The following KRT34 variants were observed in gnomAD, a reference collection of about 807,000 sequenced individuals.
The protein encoded by KRT34 is keratin 34, also known as keratin, type I cuticular Ha4.
KRT34 carries 31 observed loss-of-function variants against 41.7 expected under a neutral mutation model. The observed-to-expected ratio is 0.74, with a 90% CI of 0.56 to 1.00. The LOEUF (loss-of-function observed/expected upper bound fraction) is 1.00, where lower values mean the gene tolerates loss of function less well. Among genes scored for constraint, KRT34 ranks in the 50% least tolerant of loss-of-function variants. KRT34 has a pLI of 0.00. For synonymous variants in KRT34, 224 were observed against 212.9 expected (o/e 1.05, Z -0.45); for missense variants, 523 against 500.3 (o/e 1.05, Z -0.43).
Position 41,378,100 on chromosome 17 carries a change from A to G in KRT34, c.1144T>C (p.Cys382Arg). The G allele has an allele frequency of 6.2e-7, 1 of 1,614,092 alleles. No individual in the cohort carries two copies. Among genetic ancestry groups the G allele is most frequent in the Non-Finnish European group, 8.5e-7 (1 of 1,179,982 alleles). The part of the protein sequence containing the change: ...CATTNASGNS[C>R]GPCGTSQKGC... The stretch of plus-strand genomic sequence containing the variant: ...TTTTGAGAGGTGCCACAGGGTCCAC[A>G]GGAGTTGCCACTAGCATTGGTGGTG... The change falls in exon 7 of 7, where the codon TGT becomes CGT. Residue 382 changes from cysteine (C) to arginine (R), a missense_variant. Physicochemically the swap from Cys to Arg is radical, Grantham distance 180 (BLOSUM62 -3). Transcript: ENST00000394001.
chr17:41,380,972 C>G, intron 3 of KRT34, 84 bp downstream of exon 3: 1 of 1,354,864 alleles, frequency 7.4e-7, no homozygotes, highest in Non-Finnish European at 1.1e-6. Flanking sequence ...GGTCCCAGAC[C>G]AGGGATCCAG....
intron 6 of KRT34, 56 bp downstream of exon 6, chr17:41,378,900 G>A (rs1381506295): frequency 1.6e-5 from 25 of 1,603,700 alleles, no homozygotes; most frequent in Non-Finnish European, 2.0e-5. Context: ...CCATTTGTGT[G>A]CCTACAATAT....
chr17:41,382,519 A>T (rs1249375232), upstream of KRT34: 1 of 694,304 alleles, frequency 1.4e-6, no homozygotes, highest in Non-Finnish European at 2.4e-6. Flanking sequence ...TGGTGAAATC[A>T]GAGTTTCATC....
At position 41,378,003 on chromosome 17, in the gene KRT34, T is replaced by C; in HGVS notation, c.*56A>G. On this transcript the variant is annotated 3_prime_UTR_variant, in exon 7 of 7. Transcript: ENST00000394001. ...CAGAAAAGTCAGGACTTGAGGATCC[T>C]TCCTGTGGTTGATCTAAATGGCTTT... The C allele has an allele frequency of 7.6e-7, 1 of 1,322,100 alleles. No individual in the cohort carries two copies. Among genetic ancestry groups the C allele is most frequent in the Non-Finnish European group, 1.1e-6 (1 of 917,664 alleles). 81.9% of individuals were successfully genotyped at this position (1,322,100 alleles called of 1,614,324 possible). A position where few individuals can be genotyped will look rare whatever the true frequency, so the allele number is the denominator to read the frequency against.
rs2017880598 is a variant in KRT34, at chr17:41,378,145, G to A, written c.1099C>T (p.Leu367Phe). The change falls in exon 7 of 7, where the codon CTC becomes TTC. Residue 367 changes from leucine (L) to phenylalanine (F), a missense_variant and splice_region_variant. By Grantham distance (22) the Leu-to-Phe change is conservative. Coordinates refer to ENST00000394001, the MANE Select transcript of KRT34 (RefSeq NM_001386014.1). ...RSLLESEDCKLPCNPCATTNA... is the reference protein window; with the variant it reads ...RSLLESEDCKFPCNPCATTNA... Reference sequence around the variant, plus strand: ...GTGGTGGCGCATGGGTTGCAGGGGAGCCTAGGAGGACAAGGAGGTTTAGAA... The same window carrying A: ...GTGGTGGCGCATGGGTTGCAGGGGAACCTAGGAGGACAAGGAGGTTTAGAA... The A allele has an allele frequency of 5.6e-6, 9 of 1,611,940 alleles. No homozygotes were observed. Among genetic ancestry groups the A allele is most frequent in the Admixed American group, 1.7e-5 (1 of 59,984 alleles).
chr17:41,379,979 G>C (rs891180208), intron 3 of KRT34, among the ~76,000 whole-genome samples: 1 of 151,986 alleles, frequency 6.6e-6, no homozygotes, highest in Admixed American at 6.6e-5. Flanking sequence ...CACTAAAAGG[G>C]GCCGGGCACA....
Position 41,379,154 on chromosome 17 carries a change from A to C in KRT34, c.899T>G (p.Leu300Arg), listed in dbSNP as rs745495061. ...HNLRDSLENT[L>R]TESEAHYSSQ... Reference sequence around the variant, plus strand: ...GCTGTAGTGGGCCTCGCTCTCCGTCAGCGTGTTTTCCAGAGAGTCTCGCTG... The same window carrying C: ...GCTGTAGTGGGCCTCGCTCTCCGTCCGCGTGTTTTCCAGAGAGTCTCGCTG... Residue 300 changes from leucine to arginine, a missense_variant, in exon 6 of 7, where the codon CTG (leucine) becomes CGG (arginine). Coordinates refer to ENST00000394001, the MANE Select transcript of KRT34 (RefSeq NM_001386014.1). 3.1e-6 allele frequency: 5 copies of C among 1,614,096 alleles called. No homozygotes were observed. In the East Asian group the frequency reaches 6.7e-5, roughly 22 times the overall value.
Position 41,378,016 on chromosome 17 carries a change from T to C in KRT34, c.*43A>G. The C allele has an allele frequency of 6.9e-7, 1 of 1,446,218 alleles. No homozygotes were observed. Among genetic ancestry groups the C allele is most frequent in the Non-Finnish European group, 9.7e-7 (1 of 1,028,934 alleles). The allele number at this position is 1,446,218 out of a possible 1,614,324, so 89.6% of individuals were successfully genotyped here. ...ACTTGAGGATCCTTCCTGTGGTTGATCTAAATGGCTTTGTAGATGTCTTCA... is the reference window on the plus strand; with the variant it reads ...ACTTGAGGATCCTTCCTGTGGTTGACCTAAATGGCTTTGTAGATGTCTTCA... On this transcript the variant is annotated 3_prime_UTR_variant, in exon 7 of 7. Coordinates refer to ENST00000394001, the MANE Select transcript of KRT34 (RefSeq NM_001386014.1).
At chr17:41,383,179 C>G (rs989961792), upstream of KRT34, among the ~76,000 whole-genome samples, 7 of 152,066 alleles carry the variant, frequency 4.6e-5, no homozygotes, top group South Asian at 4.1e-4. Flanking sequence ...CCACCACACC[C>G]GGCTAATTTT....
rs2017931529 is a variant in KRT34 at position 41,379,576 on chromosome 17, G to A, written c.744C>T (p.Ala248=). The A allele has an allele frequency of 1.2e-6, 2 of 1,613,932 alleles. No individual in the cohort carries two copies. Among genetic ancestry groups the A allele is most frequent in the Admixed American group, 1.7e-5 (1 of 60,020 alleles). The part of the protein sequence containing the change: ...INRREVEQWF[A]TQTEELNKQV... Reference sequence around the variant, plus strand: ...CATGTGCTTAGATGCCCACCTGCGTGGCGAACCATTGCTCCACTTCCCTGC... The same window carrying A: ...CATGTGCTTAGATGCCCACCTGCGTAGCGAACCATTGCTCCACTTCCCTGC... Residue 248 remains alanine, a synonymous_variant, in exon 4 of 7, where the codon GCC becomes GCT. Transcript: ENST00000394001.
In KRT34 at chr17:41,382,289, G is replaced by A; in HGVS notation, c.-43C>T. On this transcript the variant is annotated 5_prime_UTR_variant, in exon 1 of 7. Coordinates refer to ENST00000394001, the MANE Select transcript of KRT34 (RefSeq NM_001386014.1). ...TGGAAAAGCAGGTAAGCTGCTGGAG[G>A]TGGATGTGGGCAGGTTTGAGTCTCT... The A allele has an allele frequency of 1.9e-6, 3 of 1,613,292 alleles. No individual in the cohort carries two copies. Among genetic ancestry groups the A allele is most frequent in the African/African-American group, 1.3e-5 (1 of 75,048 alleles).
rs755052687 is a variant in KRT34, at chr17:41,379,592, A to T, written c.728T>A (p.Val243Glu). 2.5e-6 allele frequency: 4 copies of T among 1,614,008 alleles called. No individual in the cohort carries two copies. In the Admixed American group the frequency reaches 5.0e-5, roughly 20 times the overall value. ...EALVEINRRE[V>E]EQWFATQTEE... ...CACCTGCGTGGCGAACCATTGCTCC[A>T]CTTCCCTGCGGTTAATTTCCACCAG... Residue 243 changes from valine to glutamate, a missense_variant, in exon 4 of 7, where the codon GTG becomes GAG. Val to Glu is a moderately radical substitution (Grantham distance 121). Transcript: ENST00000394001.
chr17:41,378,206 T>C (rs1034323493), intron 6 of KRT34, 60 bp from the exon 7 acceptor site: 4 of 1,062,714 alleles, frequency 3.8e-6, no homozygotes, highest in Non-Finnish European at 5.9e-6. Flanking sequence ...ACACAATACC[T>C]TGGGCTTAAT....
rs866220230 is a variant in KRT34, at chr17:41,379,133, T to C, written c.920A>G (p.Tyr307Cys). The stretch of plus-strand genomic sequence containing the variant: ...CTGCACCTGGGACAGCTGGGAGCTG[T>C]AGTGGGCCTCGCTCTCCGTCAGCGT... ...ENTLTESEAH[Y>C]SSQLSQVQSL... The change falls in exon 6 of 7, where the codon TAC becomes TGC. Residue 307 changes from tyrosine to cysteine, a missense_variant. By Grantham distance (194) the Tyr-to-Cys change is radical. Transcript: ENST00000394001. 6.2e-7 allele frequency: 1 copy of C among 1,614,186 alleles called. No homozygotes were observed. The highest frequency in any genetic ancestry group is 2.2e-5 in the East Asian group (1 of 44,870).
chr17:41,378,524 C>T (rs2144320985), intron 6 of KRT34, among the ~76,000 whole-genome samples: 1 of 152,288 alleles, frequency 6.6e-6, no homozygotes, highest in African/African-American at 2.4e-5. Flanking sequence ...CTCCTGACCT[C>T]AAGTGATCCA....
In KRT34 at chr17:41,381,218, C is replaced by T. The variant is rs753068161; in HGVS notation, c.432-6G>A. 1.6e-5 allele frequency: 26 copies of T among 1,611,718 alleles called. 1 individual carries two copies. The highest frequency in any genetic ancestry group is 2.0e-5 in the Non-Finnish European group (24 of 1,178,588). ...GGGACTGCTCCGTCTGGTACCTGCA[C>T]GTGTCGGAGTGGGAGGATAAGTCAG... On this transcript the variant is annotated splice_polypyrimidine_tract_variant and splice_region_variant and intron_variant, in intron 2 of 6. Coordinates refer to ENST00000394001, the MANE Select transcript of KRT34 (RefSeq NM_001386014.1).
At chr17:41,382,914 A>G (rs1450625054), upstream of KRT34, among the ~76,000 whole-genome samples, 1 of 152,208 alleles carries the variant, frequency 6.6e-6, no homozygotes, top group East Asian at 1.9e-4. Flanking sequence ...ATGGAAACCA[A>G]TGGAATGGAT....
chr17:41,382,081 C>G lies in KRT34; in HGVS notation c.166G>C (p.Glu56Gln). 1 of 1,613,066 alleles carries G rather than the reference C, an allele frequency of 6.2e-7. No homozygotes were observed. Among genetic ancestry groups the G allele is most frequent in the African/African-American group, 1.3e-5 (1 of 75,028 alleles). ...WFCEGSFNGS[E>Q]KETMQFLNDR... ...TTCAGGAACTGCATAGTCTCCTTCTCGCTGCCATTGAAGGAGCCCTCACAG... is the reference window on the plus strand; with the variant it reads ...TTCAGGAACTGCATAGTCTCCTTCTGGCTGCCATTGAAGGAGCCCTCACAG... The change falls in exon 1 of 7, where the codon GAG becomes CAG. Residue 56 changes from glutamate (E) to glutamine (Q), a missense_variant. Transcript: ENST00000394001.
In KRT34 at chr17:41,379,335, G is replaced by T. The variant is rs759556317; in HGVS notation, c.876+18C>A. On this transcript the variant is annotated intron_variant, in intron 5 of 6. Coordinates refer to ENST00000394001, the MANE Select transcript of KRT34 (RefSeq NM_001386014.1). ...CCCAAGTTCCCATCGCTCACCAGCA[G>T]GTCTGAACAATACACACCAGGTTGT... 7.4e-6 allele frequency: 12 copies of T among 1,613,104 alleles called. No homozygotes were observed. The highest frequency in any genetic ancestry group is 9.3e-6 in the Non-Finnish European group (11 of 1,180,032).
Sources: allele counts gnomAD v4.1 joint callset (sites outside exome capture counted in the v4.1 genomes callset), GRCh38; gene constraint gnomAD v4.1.1; transcripts MANE v1.5; gene names NCBI Gene and HGNC (gene_info 2026-07-23, HGNC 2026-07-21).